Variants in HSD17B11 observed in about 807,000 individuals in gnomAD.
HSD17B11 encodes the protein hydroxysteroid 17-beta dehydrogenase 11, also known as estradiol 17-beta-dehydrogenase 11.
A neutral mutation model predicts 27.8 loss-of-function variants in HSD17B11; 22 were observed. That is an observed-to-expected ratio of 0.79 (90% CI 0.56 to 1.13). HSD17B11 has a LOEUF of 1.13. Among genes scored for constraint, HSD17B11 ranks in the 50% most tolerant of loss-of-function variants. HSD17B11 has a pLI of 0.00. For synonymous variants in HSD17B11, 117 were observed against 132.8 expected, an observed-to-expected ratio of 0.88 and a Z score of 0.82; for missense variants, 314 against 351.1, an observed-to-expected ratio of 0.89 and a Z score of 0.84.
intron 4 of HSD17B11, among the ~76,000 whole-genome samples, chr4:87,366,957 C>T (rs1046672310): frequency 1.3e-5 from 2 of 152,026 alleles, no homozygotes; most frequent in Non-Finnish European, 2.9e-5. Flanking sequence ...TAAAATATTG[C>T]TGATCTTTTA....
chr4:87,376,609 T>C (rs1735831540), intron 2 of HSD17B11, among the ~76,000 whole-genome samples: 1 of 151,830 alleles, frequency 6.6e-6, no homozygotes, highest in African/African-American at 2.4e-5. Flanking sequence ...CTAATATATA[T>C]GCATGGTATG....
At chr4:87,379,448 G>A (rs998234947) in intron 2 of HSD17B11, among the ~76,000 whole-genome samples, 30 of 145,810 alleles carry the variant, frequency 2.1e-4, no homozygotes, top group African/African-American at 7.5e-4. Context: ...GCAGATTCCT[G>A]GATATATATA....
At chr4:87,390,276 C>T (rs959630026) in intron 1 of HSD17B11, among the ~76,000 whole-genome samples, 4 of 152,230 alleles carry the variant, frequency 2.6e-5, no homozygotes, top group Non-Finnish European at 5.9e-5. Context: ...CCTGCCTCAG[C>T]CTCCCCAATA....
chr4:87,337,762 G>A (rs929514158), intron 6 of HSD17B11, among the ~76,000 whole-genome samples: 10 of 152,206 alleles, frequency 6.6e-5, no homozygotes, highest in South Asian at 4.1e-4. Flanking sequence ...AAGAGACTGC[G>A]GAAGTAGAAC....
chr4:87,354,244 G>A (rs2110115888), intron 5 of HSD17B11, among the ~76,000 whole-genome samples: 1 of 152,028 alleles, frequency 6.6e-6, no homozygotes, highest in East Asian at 1.9e-4. Context: ...GGCGGCCGTG[G>A]ATCAGCTGTC....
chr4:87,368,010 T>C (rs1735639038), intron 4 of HSD17B11, among the ~76,000 whole-genome samples: 1 of 152,196 alleles, frequency 6.6e-6, no homozygotes, highest in African/African-American at 2.4e-5. Context: ...CTCCCAGATA[T>C]CACCTCTTGT....
At chr4:87,363,744 G>C (rs75105708) in intron 4 of HSD17B11, among the ~76,000 whole-genome samples, 1 of 152,210 alleles carries the variant, frequency 6.6e-6, no homozygotes, top group African/African-American at 2.4e-5. Flanking sequence ...AATAGACACT[G>C]CCCAGACCTG....
intron 2 of HSD17B11, among the ~76,000 whole-genome samples, chr4:87,378,958 ATAT>A (rs1560769718): frequency 7.4e-5 from 2 of 27,138 alleles, no homozygotes; most frequent in Non-Finnish European, 1.2e-4. Context: ...TTATATATAT[ATAT>A]TTTTTTTTTT....
At chr4:87,362,474 C>T (rs1246030174) in intron 4 of HSD17B11, among the ~76,000 whole-genome samples, 5 of 152,222 alleles carry the variant, frequency 3.3e-5, no homozygotes, top group African/African-American at 9.6e-5. Context: ...TGCAGTGAGC[C>T]GAGATTGTGC....
chr4:87,357,008 T>G (rs1169718085), intron 5 of HSD17B11, among the ~76,000 whole-genome samples: 1 of 152,224 alleles, frequency 6.6e-6, no homozygotes, highest in Non-Finnish European at 1.5e-5. Flanking sequence ...TATGCATATT[T>G]AAGCCTGTGA....
chr4:87,386,250 T>C (rs1432827740), intron 1 of HSD17B11, among the ~76,000 whole-genome samples: 2 of 151,754 alleles, frequency 1.3e-5, no homozygotes, highest in African/African-American at 4.8e-5. Context: ...TCACCCAGCC[T>C]GGAGTGCAAT....
At chr4:87,384,805 CAGT>C (rs1210759803) in intron 1 of HSD17B11, among the ~76,000 whole-genome samples, 2 of 151,838 alleles carry the variant, frequency 1.3e-5, no homozygotes, top group Non-Finnish European at 2.9e-5. Flanking sequence ...AGACCCTTAT[CAGT>C]AGTTCTGCTT....
Position 87,359,176 on chromosome 4 carries a change from T to A in HSD17B11, c.558-1760A>T, listed in dbSNP as rs544392520. ...GAGTCAATTGAACCTCTTTCCTTTA[T>A]AAATTGGCCAGTCTTGGGCAGTTAT... On this transcript the variant is annotated intron_variant, in intron 4 of 6. Coordinates refer to ENST00000358290, the MANE Select transcript of HSD17B11 (RefSeq NM_016245.5). Among the ~76,000 whole-genome samples, 8 of 152,298 alleles carry A rather than the reference T, an allele frequency of 5.3e-5. No homozygotes were observed. The South Asian group carries it at 1.7e-3, about 32-fold the overall frequency.
At chr4:87,390,803 T>G in intron 1 of HSD17B11, 58 bp downstream of exon 1, 1 of 1,503,710 alleles carries the variant, frequency 6.7e-7, no homozygotes, top group Non-Finnish European at 9.3e-7. Flanking sequence ...GCCAGCAAAA[T>G]GCAGACACAT....
intron 1 of HSD17B11, among the ~76,000 whole-genome samples, chr4:87,385,075 C>T (rs1216821104): frequency 6.6e-6 from 1 of 152,142 alleles, no homozygotes; most frequent in East Asian, 1.9e-4. Flanking sequence ...TTTTCTTTTA[C>T]TGAAATCTCC....
At chr4:87,338,877 C>A (rs1158599368) in intron 6 of HSD17B11, among the ~76,000 whole-genome samples, 1 of 152,066 alleles carries the variant, frequency 6.6e-6, no homozygotes, top group African/African-American at 2.4e-5. Flanking sequence ...TTCGTCTCAG[C>A]CCTATAAAGT....
At chr4:87,363,747 C>T (rs963538912) in intron 4 of HSD17B11, among the ~76,000 whole-genome samples, 1 of 152,174 alleles carries the variant, frequency 6.6e-6, no homozygotes, top group South Asian at 2.1e-4. Context: ...AGACACTGCC[C>T]AGACCTGTAG....
chr4:87,353,976 CCTTCT>C (rs563293287), intron 5 of HSD17B11, among the ~76,000 whole-genome samples: 162 of 152,234 alleles, frequency 1.1e-3, no homozygotes, highest in African/African-American at 3.8e-3. Flanking sequence ...CATATCTGTC[CCTTCT>C]CTTCTCTCTT....
At chr4:87,346,760 G>C (rs1329017161) in intron 5 of HSD17B11, among the ~76,000 whole-genome samples, 1 of 152,040 alleles carries the variant, frequency 6.6e-6, no homozygotes, top group Non-Finnish European at 1.5e-5. Flanking sequence ...TACTGGCAAA[G>C]ATTAAAAGTG....
Sources: allele counts gnomAD v4.1 joint callset (sites outside exome capture counted in the v4.1 genomes callset), GRCh38; gene constraint gnomAD v4.1.1; transcripts MANE v1.5; gene names NCBI Gene and HGNC (gene_info 2026-07-23, HGNC 2026-07-21).